The following DAOA variants were observed in gnomAD, a reference collection of about 807,000 sequenced individuals.
DAOA encodes the protein D-amino acid oxidase activator, also known as D-amino acid oxidase regulator.
DAOA carries 15 observed loss-of-function variants against 16.4 expected under a neutral mutation model. The ratio of observed to expected loss-of-function variants is 0.91; its 90% CI spans 0.61 to 1.41. The LOEUF (loss-of-function observed/expected upper bound fraction) is 1.41. DAOA is among the 40% of genes most tolerant of loss of function. The pLI, the probability that DAOA is intolerant of heterozygous loss-of-function variation, is 0.00. For missense variants in DAOA, 230 were observed against 176.8 expected, an observed-to-expected ratio of 1.30 and a Z score of -1.71; for synonymous variants, 75 against 59.1, an observed-to-expected ratio of 1.27 and a Z score of -1.23.
At chr13:105,474,063 A>G (rs1268834568) in intron 4 of DAOA, among the ~76,000 whole-genome samples, 2 of 152,224 alleles carry the variant, frequency 1.3e-5, no homozygotes, top group East Asian at 3.9e-4. Context: ...AACTATGTAT[A>G]TATTTTATTT....
rs564566591 is a variant in DAOA at position 105,472,996 on chromosome 13, C to T, written c.281+311C>T. Among the ~76,000 whole-genome samples the T allele has an allele frequency of 2.0e-5, 3 of 152,172 alleles. No homozygotes were observed. In the East Asian group the frequency reaches 5.8e-4, roughly 29 times the overall value. On this transcript the variant is annotated intron_variant, in intron 4 of 5. Transcript: ENST00000375936. ...ATATCATCAGTAAATCTGGATCACCCTCAAAATACCCATCTTTGTCAAGCA... is the reference window on the plus strand; with the variant it reads ...ATATCATCAGTAAATCTGGATCACCTTCAAAATACCCATCTTTGTCAAGCA...
intron 4 of DAOA, chr13:105,474,952 G>C (rs533709301): frequency 5.5e-6 from 5 of 902,850 alleles, no homozygotes; most frequent in Non-Finnish European, 6.6e-6. Flanking sequence ...CGTTCTGAAC[G>C]AACATTCACC....
intron 4 of DAOA, among the ~76,000 whole-genome samples, chr13:105,481,563 T>C (rs1336563766): frequency 6.6e-6 from 1 of 151,858 alleles, no homozygotes; most frequent in Non-Finnish European, 1.5e-5. Context: ...AAAGAGAAAA[T>C]AAAAGCCATA....
At chr13:105,476,758 C>G (rs1469488764) in intron 4 of DAOA, among the ~76,000 whole-genome samples, 1 of 151,824 alleles carries the variant, frequency 6.6e-6, no homozygotes, top group Non-Finnish European at 1.5e-5. Context: ...GTTAGAGTAC[C>G]TGGTGAGTAC....
chr13:105,473,766 G>A (rs992429645), intron 4 of DAOA, among the ~76,000 whole-genome samples: 1 of 152,082 alleles, frequency 6.6e-6, no homozygotes, highest in Non-Finnish European at 1.5e-5. Flanking sequence ...TCGGTGTGAA[G>A]CAAAGTTAAA....
In DAOA at chr13:105,471,168, G is replaced by A. The variant is rs546031754; in HGVS notation, c.134-1370G>A. On this transcript the variant is annotated intron_variant, in intron 3 of 5. Coordinates refer to ENST00000375936, the MANE Select transcript of DAOA (RefSeq NM_172370.5). ...TCCAACTCCTGACCTCAGGTGATCC[G>A]CCCCCCTTGGCCTCCCAAAGTGCTG... is the stretch of plus-strand genomic sequence containing the variant. Among the ~76,000 whole-genome samples the A allele has an allele frequency of 6.5e-4, 99 of 152,182 alleles. 1 individual carries two copies. The highest frequency in any genetic ancestry group is 2.3e-3 in the African/African-American group (96 of 41,522).
chr13:105,468,516 T>C (rs2139165609), intron 3 of DAOA, among the ~76,000 whole-genome samples: 1 of 152,348 alleles, frequency 6.6e-6, no homozygotes, highest in African/African-American at 2.4e-5. Context: ...TTATTTACTT[T>C]TATTAAAGAG....
At chr13:105,467,917 C>T (rs1876648959) in intron 3 of DAOA, among the ~76,000 whole-genome samples, 1 of 152,142 alleles carries the variant, frequency 6.6e-6, no homozygotes, top group Non-Finnish European at 1.5e-5. Flanking sequence ...TCATAGTTCT[C>T]ATCAGGCTGA....
At chr13:105,480,554 AGAT>A (rs1877661033) in intron 4 of DAOA, among the ~76,000 whole-genome samples, 2 of 151,820 alleles carry the variant, frequency 1.3e-5, no homozygotes, top group East Asian at 3.9e-4. Context: ...ATAGATAGAT[AGAT>A]AGATAGATAG....
chr13:105,474,367 CGT>C (rs953825195), intron 4 of DAOA, among the ~76,000 whole-genome samples: 13 of 151,542 alleles, frequency 8.6e-5, no homozygotes, highest in East Asian at 1.9e-4. Context: ...TGTGCATGCG[CGT>C]GTGTGTGTGC....
intron 3 of DAOA, 71 bp downstream of exon 3, chr13:105,467,212 A>G (rs1354083607): frequency 3.6e-5 from 51 of 1,432,250 alleles, no homozygotes; most frequent in South Asian, 3.5e-4. Flanking sequence ...GTAAAGCTAC[A>G]TAATACTTTT....
At chr13:105,485,968 C>T (rs1389029740) in intron 4 of DAOA, among the ~76,000 whole-genome samples, 1 of 152,140 alleles carries the variant, frequency 6.6e-6, no homozygotes, top group East Asian at 1.9e-4. Context: ...TTGTAGCAGC[C>T]TAGGAAACAA....
At chr13:105,466,129 T>A in intron 1 of DAOA, 69 bp downstream of exon 1, 1 of 1,103,218 alleles carries the variant, frequency 9.1e-7, no homozygotes, top group East Asian at 2.6e-5. Flanking sequence ...AGTGTTCTGA[T>A]GATCTTTTGC....
intron 4 of DAOA, among the ~76,000 whole-genome samples, chr13:105,475,993 C>A (rs1473706716): frequency 6.6e-6 from 1 of 151,970 alleles, no homozygotes; most frequent in Non-Finnish European, 1.5e-5. Flanking sequence ...TATATATATA[C>A]CCACATTTTT....
At chr13:105,468,028 GGCCTCCTGCAT>G (rs1353167063) in intron 3 of DAOA, among the ~76,000 whole-genome samples, 3 of 152,122 alleles carry the variant, frequency 2.0e-5, no homozygotes, top group African/African-American at 7.2e-5. Flanking sequence ...AGCTTCTGGA[GGCCTCCTGCAT>G]GCCTTGGCTC....
In DAOA at chr13:105,490,158, G is replaced by A. The variant is rs1409584492; in HGVS notation, c.*77G>A. 47 of 1,469,212 alleles carry A rather than the reference G, an allele frequency of 3.2e-5. No individual in the cohort carries two copies. The highest frequency in any genetic ancestry group is 3.7e-5 in the Non-Finnish European group (41 of 1,105,172). The allele number at this position is 1,469,212 out of a possible 1,614,324, so 91.0% of individuals were successfully genotyped here. ...GCCAACATCTTCACTGGACTCTGAC[G>A]GACTCTGTGTCTGGGACCCAGCTGA... On this transcript the variant is annotated 3_prime_UTR_variant, in exon 5 of 6. Transcript: ENST00000375936.
chr13:105,475,668 G>C (rs1332141008), intron 4 of DAOA, among the ~76,000 whole-genome samples: 1 of 152,160 alleles, frequency 6.6e-6, no homozygotes, highest in East Asian at 1.9e-4. Context: ...TTAATCAAAG[G>C]CTGTATTTAT....
chr13:105,474,594 G>A (rs1877213921), intron 4 of DAOA, among the ~76,000 whole-genome samples: 1 of 151,976 alleles, frequency 6.6e-6, no homozygotes, highest in Non-Finnish European at 1.5e-5. Context: ...TAAGGGTTTG[G>A]GGATTGACTG....
At chr13:105,470,192 T>G (rs1238054838) in intron 3 of DAOA, among the ~76,000 whole-genome samples, 1 of 151,942 alleles carries the variant, frequency 6.6e-6, no homozygotes, top group Non-Finnish European at 1.5e-5. Flanking sequence ...CTATCAAGAT[T>G]AAAAATAACT....
Sources: allele counts gnomAD v4.1 joint callset (sites outside exome capture counted in the v4.1 genomes callset), GRCh38; gene constraint gnomAD v4.1.1; transcripts MANE v1.5; gene names NCBI Gene and HGNC (gene_info 2026-07-23, HGNC 2026-07-21).